ZNF644: variants seen among roughly 807,000 people sequenced by gnomAD.
ZNF644 encodes zinc finger protein 644, also known as zinc finger motif enhancer binding protein 2.
A neutral mutation model predicts 108.0 loss-of-function variants in ZNF644; 20 were observed. That is an observed-to-expected ratio of 0.19 (90% CI 0.13 to 0.27). The LOEUF is 0.27. Among genes scored for constraint, ZNF644 ranks in the 10% least tolerant of loss-of-function variants. The pLI is 1.00. For synonymous variants in ZNF644, 542 were observed against 539.1 expected, an observed-to-expected ratio of 1.01 and a Z score of -0.08; for missense variants, 1,338 against 1,548.9, an observed-to-expected ratio of 0.86 and a Z score of 2.29.
At chr1:90,920,193 G>C (rs574498541) in intron 4 of ZNF644, among the ~76,000 whole-genome samples, 4 of 152,070 alleles carry the variant, frequency 2.6e-5, no homozygotes, top group South Asian at 2.1e-4. Flanking sequence ...AGGCAGAATA[G>C]AGCAGGCATT....
intron 1 of ZNF644, among the ~76,000 whole-genome samples, chr1:91,012,655 A>G (rs557830289): frequency 6.6e-6 from 1 of 152,098 alleles, no homozygotes; most frequent in South Asian, 2.1e-4. Context: ...TATTTCATTT[A>G]AAATAGGCTC....
chr1:90,993,576 G>A (rs74099893), intron 1 of ZNF644, among the ~76,000 whole-genome samples: 1,947 of 152,188 alleles, frequency 0.013, 39 homozygotes, highest in African/African-American at 0.044. Context: ...ACCATAATAA[G>A]TTTTTCTTAG....
chr1:90,939,518 T>G lies in ZNF644; in HGVS notation c.1836A>C (p.Ser612=), dbSNP rs767391409. 1 of 1,613,838 alleles carries G rather than the reference T, an allele frequency of 6.2e-7. No individual in the cohort carries two copies. Among genetic ancestry groups the G allele is most frequent in the Non-Finnish European group, 8.5e-7 (1 of 1,179,946 alleles). ...KKHTEYLHSS[S]CVDSFGSPLG... ...GAGGACTACCAAATGAATCAACACATGATGATGAATGCAAGTACTCCGTGT... is the reference window on the plus strand; with the variant it reads ...GAGGACTACCAAATGAATCAACACAGGATGATGAATGCAAGTACTCCGTGT... Residue 612 remains serine (S), a synonymous_variant, in exon 3 of 6, where the codon TCA becomes TCC. Coordinates refer to ENST00000337393, the MANE Select transcript of ZNF644 (RefSeq NM_201269.3).
At chr1:90,927,143 G>A (rs1376718322) in intron 4 of ZNF644, among the ~76,000 whole-genome samples, 1 of 150,114 alleles carries the variant, frequency 6.7e-6, no homozygotes, top group Non-Finnish European at 1.5e-5. Flanking sequence ...AATTCCAAAA[G>A]CCTTGGGAGT....
intron 1 of ZNF644, among the ~76,000 whole-genome samples, chr1:91,001,111 G>T (rs1233605530): frequency 2.6e-5 from 4 of 152,180 alleles, no homozygotes; most frequent in South Asian, 4.1e-4. Context: ...GAGGTACAAG[G>T]AGGAGCTGGT....
rs561093489 is a variant in ZNF644 at position 90,922,713 on chromosome 1, G to A, written c.3689-4559C>T. 1.3e-4 allele frequency among the ~76,000 whole-genome samples: 20 copies of A among 151,960 alleles called. No individual in the cohort carries two copies. The South Asian group carries it at 2.7e-3, about 21-fold the overall frequency. ...CAATAAGCACAGTACCTGATAGGTA[G>A]TTTTTTTTATTATCTCCCTCCTCCT... is the stretch of plus-strand genomic sequence containing the variant. On this transcript the variant is annotated intron_variant, in intron 4 of 5. Coordinates refer to ENST00000337393, the MANE Select transcript of ZNF644 (RefSeq NM_201269.3).
intron 5 of ZNF644, among the ~76,000 whole-genome samples, chr1:90,917,423 G>A (rs1325027319): frequency 1.3e-5 from 2 of 152,102 alleles, no homozygotes; most frequent in African/African-American, 4.8e-5. Flanking sequence ...CCCAATAAGC[G>A]AGAACTCAAG....
At chr1:91,010,152 A>C (rs1659816173) in intron 1 of ZNF644, among the ~76,000 whole-genome samples, 3 of 151,990 alleles carry the variant, frequency 2.0e-5, no homozygotes, top group South Asian at 4.1e-4. Flanking sequence ...CTCATGCCAC[A>C]ATCTTATTAC....
intron 2 of ZNF644, among the ~76,000 whole-genome samples, chr1:90,950,376 TTTG>T (rs946205994): frequency 2.8e-5 from 4 of 145,082 alleles, no homozygotes; most frequent in Admixed American, 1.4e-4. Context: ...ATAATAGTGC[TTTG>T]TTGTTGTTAT....
rs756245365 is a variant in ZNF644 at position 90,980,427 on chromosome 1, A to G, written c.44+1883T>C. ...AGCATTCTGGCATAGCTACGGTGAG[A>G]TAACTGCATGCCGTGTTATAAGGTT... is the stretch of plus-strand genomic sequence containing the variant. On this transcript the variant is annotated intron_variant, in intron 2 of 5. Transcript: ENST00000337393. Among the ~76,000 whole-genome samples, 33 of 152,332 alleles carry G rather than the reference A, an allele frequency of 2.2e-4. 1 individual carries two copies. The highest frequency in any genetic ancestry group is 6.8e-3 in the Middle Eastern group (2 of 294).
Position 90,938,870 on chromosome 1 carries a change from G to A in ZNF644, c.2484C>T (p.Ser828=), listed in dbSNP as rs1651635642. ...TCATTTTATGCAAAAAATCTGGATA[G>A]CTATCCAAGTCTTCCCCTCCAACAG... ...ESSVGGEDLD[S]YPDFLHKMTV... The change falls in exon 3 of 6, where the codon AGC becomes AGT. Residue 828 remains serine (S), a synonymous_variant. Transcript: ENST00000337393. The surrounding 1 kb of genome is among the most constrained non-coding windows in gnomAD (Gnocchi z 4.2). The A allele has an allele frequency of 6.2e-7, 1 of 1,613,852 alleles. No homozygotes were observed. The highest frequency in any genetic ancestry group is 1.1e-5 in the South Asian group (1 of 91,072).
intron 1 of ZNF644, among the ~76,000 whole-genome samples, chr1:91,009,691 C>T (rs986801094): frequency 6.6e-6 from 1 of 151,876 alleles, no homozygotes; most frequent in Admixed American, 6.6e-5. Flanking sequence ...TTACCAGTTA[C>T]CTTAAATATT....
chr1:90,965,467 C>T (rs191307950), intron 2 of ZNF644, among the ~76,000 whole-genome samples: 116 of 152,212 alleles, frequency 7.6e-4, no homozygotes, highest in African/African-American at 2.7e-3. Flanking sequence ...CCCTATATTT[C>T]CAAGTGAGGT....
Position 90,940,524 on chromosome 1 carries a change from T to C in ZNF644, c.830A>G (p.Asp277Gly), listed in dbSNP as rs527881655. 1.6e-4 allele frequency: 253 copies of C among 1,614,016 alleles called. No homozygotes were observed. The highest frequency in any genetic ancestry group is 6.6e-4 in the Middle Eastern group (4 of 6,062). The change falls in exon 3 of 6, where the codon GAT becomes GGT. Residue 277 changes from aspartate (D) to glycine (G), a missense_variant. Asp to Gly is a moderately conservative substitution (Grantham distance 94). Transcript: ENST00000337393. ...TATTTTAGAATGAGGTGGAGCTTTA[T>C]CTACTGTTTCCTCATTAGTCATAAG... is the stretch of plus-strand genomic sequence containing the variant. Reference protein sequence around the residue: ...QFLMTNEETVDKAPPHSKIGL... With the variant: ...QFLMTNEETVGKAPPHSKIGL...
At chr1:90,995,763 A>G (rs1658090543) in intron 1 of ZNF644, among the ~76,000 whole-genome samples, 1 of 152,230 alleles carries the variant, frequency 6.6e-6, no homozygotes. Flanking sequence ...TGAGGTGAAA[A>G]AAAGTTATTT....
intron 5 of ZNF644, among the ~76,000 whole-genome samples, chr1:90,917,830 T>C (rs1648972774): frequency 6.6e-6 from 1 of 152,170 alleles, no homozygotes; most frequent in Non-Finnish European, 1.5e-5. Flanking sequence ...TATAATAGAT[T>C]TACATTACTA....
chr1:90,999,350 G>A (rs958296086), intron 1 of ZNF644, among the ~76,000 whole-genome samples: 4 of 152,220 alleles, frequency 2.6e-5, no homozygotes, highest in Non-Finnish European at 5.9e-5. Flanking sequence ...TCTCTCGGCA[G>A]AAACTCTACA....
intron 2 of ZNF644, among the ~76,000 whole-genome samples, chr1:90,960,514 C>T (rs1654228909): frequency 6.6e-6 from 1 of 152,106 alleles, no homozygotes; most frequent in Admixed American, 6.6e-5. Context: ...GACTACTGTT[C>T]ACTAAATACC....
intron 4 of ZNF644, among the ~76,000 whole-genome samples, chr1:90,936,518 C>T (rs358694): frequency 0.9 from 136,887 of 152,176 alleles, 61,920 homozygotes; most frequent in African/African-American, 0.98. Flanking sequence ...TACAACTATT[C>T]GGGATATCAC....
Sources: gnomAD v4.1 joint callset for allele counts (sites outside exome capture counted in the v4.1 genomes callset) on GRCh38, gnomAD v4.1.1 for gene constraint, Gnocchi (gnomAD v3.1) non-coding constraint, MANE v1.5 for transcripts, NCBI Gene and HGNC (gene_info 2026-07-23, HGNC 2026-07-21) for gene names.